Variants in KIAA1217 observed in about 807,000 individuals in gnomAD.
KIAA1217 encodes the protein KIAA1217.
A neutral mutation model predicts 163.9 loss-of-function variants in KIAA1217; 88 were observed. The ratio of observed to expected loss-of-function variants is 0.54; its 90% CI spans 0.45 to 0.64. The LOEUF (loss-of-function observed/expected upper bound fraction) is 0.64, where lower values mean the gene tolerates loss of function less well. KIAA1217 is among the 30% of genes least tolerant of loss of function. KIAA1217 has a pLI of 0.00. For synonymous variants in KIAA1217, 903 were observed against 923.1 expected, an observed-to-expected ratio of 0.98 and a Z score of 0.39; for missense variants, 2,372 against 2,475.0, an observed-to-expected ratio of 0.96 and a Z score of 0.88.
At chr10:23,747,396 T>G (rs373913170) in intron 1 of KIAA1217, among the ~76,000 whole-genome samples, 2 of 152,108 alleles carry the variant, frequency 1.3e-5, no homozygotes, top group African/African-American at 4.8e-5. Context: ...AGAGGTTTTA[T>G]GAAGATGATA....
intron 1 of KIAA1217, among the ~76,000 whole-genome samples, chr10:23,780,694 G>C (rs1195573269): frequency 6.6e-6 from 1 of 152,008 alleles, no homozygotes; most frequent in Non-Finnish European, 1.5e-5. Context: ...TTGGGAGGGT[G>C]GGGGGAATGG....
At chr10:24,230,271 T>G (rs1027665884) in intron 2 of KIAA1217, among the ~76,000 whole-genome samples, 64 of 152,090 alleles carry the variant, frequency 4.2e-4, no homozygotes, top group Admixed American at 2.3e-3. Flanking sequence ...TCAATTTTTT[T>G]GGGGGGTGGA....
At chr10:24,357,329 G>A (rs978920992) in intron 2 of KIAA1217, among the ~76,000 whole-genome samples, 2 of 152,200 alleles carry the variant, frequency 1.3e-5, no homozygotes, top group South Asian at 2.1e-4. Flanking sequence ...GAAGAAAAGG[G>A]AGAATCAGAA....
rs528526646 is a variant in KIAA1217 at position 23,852,087 on chromosome 10, C to T, written c.-320-155138C>T. 1.5e-4 allele frequency among the ~76,000 whole-genome samples: 23 copies of T among 152,206 alleles called. No individual in the cohort carries two copies. In the South Asian group the frequency reaches 4.6e-3, roughly 30 times the overall value. On this transcript the variant is annotated intron_variant, in intron 1 of 18. Transcript: ENST00000376462. ...TGGTGTTTTAGACATGAAGTCCTTG[C>T]CCACGCCTATGTCCTGAATGGTAAT...
chr10:24,342,787 T>C (rs2047261403), intron 2 of KIAA1217, among the ~76,000 whole-genome samples: 1 of 151,058 alleles, frequency 6.6e-6, no homozygotes, highest in African/African-American at 2.4e-5. Context: ...GCTTCCAGAG[T>C]AGCTGGGACT....
chr10:23,921,686 A>G (rs1396974995), intron 1 of KIAA1217, among the ~76,000 whole-genome samples: 5 of 151,990 alleles, frequency 3.3e-5, no homozygotes, highest in African/African-American at 1.2e-4. Context: ...GTGTTCAGGG[A>G]TGAGCAGGTG....
chr10:24,411,115 A>G (rs1554853275), intron 3 of KIAA1217, among the ~76,000 whole-genome samples: 1 of 152,170 alleles, frequency 6.6e-6, no homozygotes, highest in Non-Finnish European at 1.5e-5. Context: ...TGAAATTCCA[A>G]CTATAGTGTT....
intron 2 of KIAA1217, among the ~76,000 whole-genome samples, chr10:24,076,574 C>T (rs12264461): frequency 0.095 from 14,490 of 152,148 alleles, 1,034 homozygotes; most frequent in African/African-American, 0.2. Flanking sequence ...TTCAATTGCA[C>T]AGCAACTCCA....
At chr10:24,541,550 C>CA (rs2135435732) in intron 17 of KIAA1217, among the ~76,000 whole-genome samples, 1 of 152,262 alleles carries the variant, frequency 6.6e-6, no homozygotes, top group East Asian at 1.9e-4. Flanking sequence ...TTGCTTTAAC[C>CA]AAGCAGCCTT....
At chr10:24,413,692 C>T (rs1029715899) in intron 3 of KIAA1217, among the ~76,000 whole-genome samples, 1 of 152,198 alleles carries the variant, frequency 6.6e-6, no homozygotes, top group African/African-American at 2.4e-5. Flanking sequence ...ATCCAGCATA[C>T]TTTTGTCTCA....
chr10:23,994,045 T>G (rs1395161756), intron 1 of KIAA1217, among the ~76,000 whole-genome samples: 2 of 152,190 alleles, frequency 1.3e-5, no homozygotes, highest in Non-Finnish European at 2.9e-5. Context: ...TACCAAGGCT[T>G]AGCGACTACT....
At chr10:24,181,023 A>G (rs2066147320) in intron 2 of KIAA1217, among the ~76,000 whole-genome samples, 2 of 152,202 alleles carry the variant, frequency 1.3e-5, no homozygotes, top group South Asian at 4.1e-4. Flanking sequence ...ATTGATATAG[A>G]CAGCACATGT....
chr10:23,846,239 T>C (rs1033341871), intron 1 of KIAA1217, among the ~76,000 whole-genome samples: 1 of 152,096 alleles, frequency 6.6e-6, no homozygotes, highest in African/African-American at 2.4e-5. Context: ...GCATATGAAG[T>C]TTAAGGTAGT....
chr10:24,252,098 G>A lies in KIAA1217; in HGVS notation c.354+32189G>A, dbSNP rs76744713. ...AGGTTGTTCATGGTGGGAGCTGCTC[G>A]AGGAATCATCCTAGTTTTATGGAGG... is the stretch of plus-strand genomic sequence containing the variant. On this transcript the variant is annotated intron_variant, in intron 2 of 20. Coordinates refer to ENST00000376454, the MANE Select transcript of KIAA1217 (RefSeq NM_019590.5). Among the ~76,000 whole-genome samples, 180 of 152,162 alleles carry A rather than the reference G, an allele frequency of 1.2e-3. 3 individuals are homozygous for A. In the East Asian group the frequency reaches 0.031, roughly 26 times the overall value.
At chr10:24,398,143 G>A (rs977685478) in intron 3 of KIAA1217, among the ~76,000 whole-genome samples, 2 of 152,148 alleles carry the variant, frequency 1.3e-5, no homozygotes, top group Non-Finnish European at 2.9e-5. Flanking sequence ...AATAACATAA[G>A]TAGTCAATTA....
intron 1 of KIAA1217, among the ~76,000 whole-genome samples, chr10:23,907,590 G>A (rs1167483738): frequency 1.3e-5 from 2 of 152,020 alleles, no homozygotes; most frequent in African/African-American, 2.4e-5. Flanking sequence ...GGAGAAGATG[G>A]ATGTCCCAGC....
chr10:23,936,205 C>T lies in KIAA1217; in HGVS notation c.-320-71020C>T, dbSNP rs76883385. ...AGTCAGCTCCTGGGGTCCTCATTCA[C>T]TAAACACAGCTAGAAGCCAGAGGTC... On this transcript the variant is annotated intron_variant, in intron 1 of 18. Coordinates refer to the KIAA1217 transcript ENST00000376462. Among the ~76,000 whole-genome samples the T allele has an allele frequency of 5.0e-3, 763 of 152,176 alleles. 3 individuals are homozygous for T. Among genetic ancestry groups the T allele is most frequent in the Non-Finnish European group, 6.9e-3 (469 of 68,004 alleles).
intron 1 of KIAA1217, among the ~76,000 whole-genome samples, chr10:23,790,466 C>CAT (rs1215283381): frequency 9.1e-6 from 1 of 110,152 alleles, no homozygotes; most frequent in Admixed American, 9.8e-5. Context: ...TGCATATATA[C>CAT]ATATATACAT....
intron 1 of KIAA1217, among the ~76,000 whole-genome samples, chr10:23,958,695 G>T (rs1183117786): frequency 1.3e-5 from 2 of 152,078 alleles, no homozygotes; most frequent in African/African-American, 2.4e-5. Context: ...TTGTTTGGTT[G>T]ATTGTTTCTG....
Sources: allele counts gnomAD v4.1 joint callset (sites outside exome capture counted in the v4.1 genomes callset), GRCh38; gene constraint gnomAD v4.1.1; transcripts MANE v1.5; gene names NCBI Gene and HGNC (gene_info 2026-07-23, HGNC 2026-07-21).